DOCK3: variants seen among roughly 807,000 people sequenced by gnomAD.
The protein encoded by DOCK3 is dedicator of cytokinesis 3.
In DOCK3, 60 loss-of-function variants were observed where a neutral mutation model predicts 265.6. The ratio of observed to expected loss-of-function variants is 0.23; its 90% CI spans 0.18 to 0.28. The LOEUF is 0.28. Ranked by LOEUF, DOCK3 falls within the 10% of genes least tolerant of loss-of-function variation. The pLI is 1.00. For synonymous variants in DOCK3, 881 were observed against 938.0 expected, an observed-to-expected ratio of 0.94 and a Z score of 1.11; for missense variants, 1,981 against 2,594.3, an observed-to-expected ratio of 0.76 and a Z score of 5.14.
At chr3:50,927,904 G>C (rs1339952686) in intron 4 of DOCK3, among the ~76,000 whole-genome samples, 2 of 151,970 alleles carry the variant, frequency 1.3e-5, no homozygotes, top group Non-Finnish European at 2.9e-5. Flanking sequence ...TACTTCTTTT[G>C]AGATTCCTAT....
chr3:51,041,608 A>G (rs941771347), intron 5 of DOCK3, among the ~76,000 whole-genome samples: 25 of 152,262 alleles, frequency 1.6e-4, no homozygotes, highest in Non-Finnish European at 3.2e-4. Flanking sequence ...ACAGGCATGA[A>G]AACATGAATC....
At chr3:51,250,980 A>G (rs113196264) in intron 22 of DOCK3, among the ~76,000 whole-genome samples, 4 of 152,144 alleles carry the variant, frequency 2.6e-5, no homozygotes, top group Non-Finnish European at 5.9e-5. Context: ...TTAACTCGTC[A>G]TTTACATTAG....
In DOCK3 at chr3:51,362,659, C is replaced by T. The variant is rs753671361; in HGVS notation, c.5278C>T (p.Pro1760Ser). 1.9e-5 allele frequency: 30 copies of T among 1,613,670 alleles called. No individual in the cohort carries two copies. The highest frequency in any genetic ancestry group is 2.5e-5 in the Non-Finnish European group (29 of 1,179,772). ...ACCATCCCAGATGATTACCTCTGCC[C>T]CTTCCAGTGCCCGAGGTAAGGATGG... ...SAPSQMITSAPSSARGSPSLP... is the reference protein window; with the variant it reads ...SAPSQMITSASSSARGSPSLP... The change falls in exon 49 of 53, where the codon CCT becomes TCT. Residue 1760 changes from proline (P) to serine (S), a missense_variant. Physicochemically the swap from Pro to Ser is moderately conservative, Grantham distance 74. Around this residue, in one of 4 missense-constraint regions of DOCK3, gnomAD observed 1,357 missense variants for 1,866.8 expected, o/e 0.73. Coordinates refer to ENST00000266037, the MANE Select transcript of DOCK3 (RefSeq NM_004947.5).
At chr3:50,955,377 A>G (rs1164224372) in intron 5 of DOCK3, among the ~76,000 whole-genome samples, 1 of 152,208 alleles carries the variant, frequency 6.6e-6, no homozygotes, top group Non-Finnish European at 1.5e-5. Flanking sequence ...ATAAAGACAC[A>G]TGCACACAAA....
At chr3:51,233,555 G>A (rs1285288761) in intron 19 of DOCK3, among the ~76,000 whole-genome samples, 3 of 151,910 alleles carry the variant, frequency 2.0e-5, no homozygotes, top group East Asian at 3.9e-4. Context: ...TTTTAGTAGA[G>A]ACAAGGTTTC....
At chr3:51,220,713 A>G (rs9843689) in intron 14 of DOCK3, among the ~76,000 whole-genome samples, 14,819 of 62,906 alleles carry the variant, frequency 0.24, 1,301 homozygotes, top group African/African-American at 0.37. Flanking sequence ...GTGTGTGTAT[A>G]TATATATATA....
At chr3:50,804,217 G>C (rs1234083008) in intron 2 of DOCK3, among the ~76,000 whole-genome samples, 1 of 151,744 alleles carries the variant, frequency 6.6e-6, no homozygotes. Context: ...TTCCTAGATA[G>C]GATGGCGGCC....
At chr3:51,223,197 A>G (rs528228282) in intron 14 of DOCK3, among the ~76,000 whole-genome samples, 20 of 152,296 alleles carry the variant, frequency 1.3e-4, no homozygotes, top group African/African-American at 4.8e-4. Context: ...CAGCCTCCTT[A>G]TAATCCATAG....
At chr3:51,044,808 A>G (rs2080696571) in intron 5 of DOCK3, among the ~76,000 whole-genome samples, 1 of 152,104 alleles carries the variant, frequency 6.6e-6, no homozygotes, top group Admixed American at 6.6e-5. Flanking sequence ...AAACCTCATG[A>G]ACCAACCTCT....
chr3:51,305,851 T>G (rs2082655446), intron 27 of DOCK3, among the ~76,000 whole-genome samples: 1 of 131,834 alleles, frequency 7.6e-6, no homozygotes, highest in Non-Finnish European at 1.6e-5. Context: ...TTTTTTTTTT[T>G]TTTTTGAGAC....
At chr3:50,796,447 T>A (rs11130259) in intron 2 of DOCK3, among the ~76,000 whole-genome samples, 128,361 of 150,314 alleles carry the variant, frequency 0.85, 55,064 homozygotes, top group East Asian at 0.94. Flanking sequence ...CAAGCTATTC[T>A]CCTGCCTCAG....
intron 5 of DOCK3, among the ~76,000 whole-genome samples, chr3:51,006,049 G>T (rs1043424379): frequency 2.0e-5 from 3 of 151,938 alleles, no homozygotes; most frequent in Non-Finnish European, 2.9e-5. Context: ...TATTCTTTAA[G>T]TATGTCAGTG....
At chr3:51,197,826 T>G (rs958040487) in intron 12 of DOCK3, among the ~76,000 whole-genome samples, 3 of 152,142 alleles carry the variant, frequency 2.0e-5, no homozygotes, top group African/African-American at 7.2e-5. Context: ...GGAATGCACA[T>G]TCCTCACACC....
chr3:50,698,236 C>T (rs1239355431), intron 1 of DOCK3, among the ~76,000 whole-genome samples: 1 of 151,974 alleles, frequency 6.6e-6, no homozygotes, highest in East Asian at 1.9e-4. Flanking sequence ...TAAGGATTTG[C>T]CTATTCTAGG....
intron 12 of DOCK3, among the ~76,000 whole-genome samples, chr3:51,199,783 C>A (rs910603686): frequency 5.9e-5 from 9 of 152,186 alleles, no homozygotes; most frequent in Non-Finnish European, 1.2e-4. Flanking sequence ...GAGGCACCCC[C>A]CAGTAGGGGC....
At chr3:51,202,569 A>T (rs1414845944) in intron 12 of DOCK3, among the ~76,000 whole-genome samples, 1 of 152,160 alleles carries the variant, frequency 6.6e-6, no homozygotes, top group Admixed American at 6.5e-5. Flanking sequence ...ATGGATTCAC[A>T]GCCGAATTCT....
intron 38 of DOCK3, among the ~76,000 whole-genome samples, chr3:51,343,415 T>G (rs1478184486): frequency 6.6e-6 from 1 of 152,160 alleles, no homozygotes; most frequent in Non-Finnish European, 1.5e-5. Context: ...TGTCCTCCAG[T>G]GGGATCAAGG....
chr3:51,233,961 C>T (rs1241040687), intron 19 of DOCK3, among the ~76,000 whole-genome samples: 3 of 152,062 alleles, frequency 2.0e-5, no homozygotes, highest in Admixed American at 6.5e-5. Context: ...TGAAGATGTC[C>T]AAGACATCTT....
At chr3:51,339,736 A>G (rs2085112594) in intron 37 of DOCK3, among the ~76,000 whole-genome samples, 1 of 152,196 alleles carries the variant, frequency 6.6e-6, no homozygotes, top group Non-Finnish European at 1.5e-5. Context: ...TGATTGACTT[A>G]TGCCATCGTT....
Sources: allele counts gnomAD v4.1 joint callset (sites outside exome capture counted in the v4.1 genomes callset), GRCh38; gene constraint gnomAD v4.1.1; regional missense constraint gnomAD v4.1.1; transcripts MANE v1.5; gene names NCBI Gene and HGNC (gene_info 2026-07-23, HGNC 2026-07-21).